YAP1: variants seen among roughly 807,000 people sequenced by gnomAD.
YAP1 encodes the protein transcriptional coactivator YAP1.
YAP1 carries 5 observed loss-of-function variants against 56.9 expected under a neutral mutation model. The observed-to-expected ratio is 0.09, with a 90% CI of 0.05 to 0.18. The LOEUF is 0.18. Ranked by LOEUF, YAP1 falls within the 10% of genes least tolerant of loss-of-function variation. The probability of loss-of-function intolerance (pLI) is 1.00; values close to 1 mark genes in which losing one functional copy is unlikely to be tolerated. For synonymous variants in YAP1, 265 were observed against 248.1 expected, an observed-to-expected ratio of 1.07 and a Z score of -0.64; for missense variants, 539 against 651.8, an observed-to-expected ratio of 0.83 and a Z score of 1.88.
chr11:102,153,187 G>C (rs564550509), intron 2 of YAP1, among the ~76,000 whole-genome samples: 1 of 152,214 alleles, frequency 6.6e-6, no homozygotes, highest in African/African-American at 2.4e-5. Flanking sequence ...ATTCCAGTTA[G>C]GCCTAGTCTT....
chr11:102,227,605 GTAACCTGACTTAA>G (rs779253944), intron 8 of YAP1, 24 bp downstream of exon 8: 1 of 1,513,134 alleles, frequency 6.6e-7, no homozygotes, highest in East Asian at 2.3e-5. Flanking sequence ...ATTCCTCTTA[GTAACCTGACTTAA>G]CAGTGGGATA....
At chr11:102,125,498 T>C (rs772857629) in intron 2 of YAP1, among the ~76,000 whole-genome samples, 6 of 151,636 alleles carry the variant, frequency 4.0e-5, no homozygotes, top group Non-Finnish European at 8.8e-5. Flanking sequence ...TGCTTCAGCC[T>C]CCAGAGTAGC....
chr11:102,228,717 T>A (rs1042766783), intron 8 of YAP1, among the ~76,000 whole-genome samples: 1 of 151,020 alleles, frequency 6.6e-6, no homozygotes, highest in African/African-American at 2.4e-5. Context: ...CAGGGGTAAT[T>A]ACGGAAGCAT....
At chr11:102,119,993 T>G (rs1048783964) in intron 2 of YAP1, among the ~76,000 whole-genome samples, 1 of 152,200 alleles carries the variant, frequency 6.6e-6, no homozygotes, top group Non-Finnish European at 1.5e-5. Flanking sequence ...CTGAGTAGCA[T>G]TGTATAAAGG....
chr11:102,154,287 A>G (rs1290192135), intron 2 of YAP1, among the ~76,000 whole-genome samples: 5 of 152,190 alleles, frequency 3.3e-5, no homozygotes, highest in Admixed American at 6.5e-5. Context: ...TTATATGATT[A>G]TACCACAACT....
chr11:102,154,492 A>T lies in YAP1; in HGVS notation c.573-7964A>T, dbSNP rs1334333800. Among the ~76,000 whole-genome samples, 5 of 152,158 alleles carry T rather than the reference A, an allele frequency of 3.3e-5. No individual in the cohort carries two copies. In the East Asian group the frequency reaches 9.6e-4, roughly 29 times the overall value. ...AAATTACACATGCATGTGTATATATATATGTGTGTATATACATACATACAG... is the reference window on the plus strand; with the variant it reads ...AAATTACACATGCATGTGTATATATTTATGTGTGTATATACATACATACAG... On this transcript the variant is annotated intron_variant, in intron 2 of 8. Coordinates refer to ENST00000282441, the MANE Select transcript of YAP1 (RefSeq NM_001130145.3).
At chr11:102,221,825 A>G (rs1170272117) in intron 6 of YAP1, among the ~76,000 whole-genome samples, 2 of 152,340 alleles carry the variant, frequency 1.3e-5, no homozygotes, top group South Asian at 4.1e-4. Flanking sequence ...AATATTTGCA[A>G]CAACTACAAT....
chr11:102,161,654 G>C (rs569920810), intron 2 of YAP1, among the ~76,000 whole-genome samples: 172 of 152,132 alleles, frequency 1.1e-3, no homozygotes, highest in African/African-American at 3.9e-3. Flanking sequence ...TTTTAAGGTA[G>C]TTTTATTTGT....
intron 2 of YAP1, among the ~76,000 whole-genome samples, chr11:102,122,327 A>G (rs962291591): frequency 2.6e-5 from 4 of 151,940 alleles, no homozygotes; most frequent in African/African-American, 9.7e-5. Flanking sequence ...TGGGAGGCTG[A>G]GGCATGAGAA....
At chr11:102,180,289 T>C (rs1468469584) in intron 3 of YAP1, among the ~76,000 whole-genome samples, 1 of 152,070 alleles carries the variant, frequency 6.6e-6, no homozygotes, top group Non-Finnish European at 1.5e-5. Flanking sequence ...TATTTCTAAT[T>C]AGTAGATCCT....
chr11:102,141,129 A>G (rs1440217349), intron 2 of YAP1, among the ~76,000 whole-genome samples: 1 of 152,118 alleles, frequency 6.6e-6, no homozygotes, highest in Non-Finnish European at 1.5e-5. Flanking sequence ...TCCTCTAGAG[A>G]GTCTACCTAG....
chr11:102,115,485 A>T (rs1943222290), intron 2 of YAP1, among the ~76,000 whole-genome samples: 1 of 152,148 alleles, frequency 6.6e-6, no homozygotes, highest in African/African-American at 2.4e-5. Flanking sequence ...TTGTAATGTA[A>T]GATAGAAAGT....
At chr11:102,200,401 T>C (rs1233254195) in intron 4 of YAP1, among the ~76,000 whole-genome samples, 2 of 152,142 alleles carry the variant, frequency 1.3e-5, no homozygotes, top group Middle Eastern at 3.4e-3. Context: ...GGAAATGTAA[T>C]TCAGATTTTT....
chr11:102,111,019 C>A lies in YAP1; in HGVS notation c.171C>A (p.Val57=). The A allele has an allele frequency of 6.2e-7, 1 of 1,606,370 alleles. No individual in the cohort carries two copies. Among genetic ancestry groups the A allele is most frequent in the Non-Finnish European group, 8.5e-7 (1 of 1,177,140 alleles). ...APPAGHQIVH[V]RGDSETDLEA... is the part of the protein sequence containing the mutation. ...CCGCCGGGCATCAGATCGTGCACGT[C>A]CGCGGGGACTCGGAGACCGACCTGG... is the stretch of plus-strand genomic sequence containing the variant. Residue 57 remains valine (V), a synonymous_variant, in exon 1 of 9, where the codon GTC becomes GTA. Transcript: ENST00000282441.
intron 3 of YAP1, among the ~76,000 whole-genome samples, chr11:102,182,303 G>T (rs575928452): frequency 1.3e-5 from 2 of 152,098 alleles, no homozygotes; most frequent in South Asian, 2.1e-4. Context: ...GAACATAAAG[G>T]CATCCTAAAT....
At chr11:102,164,074 GTCAC>G (rs1946453339) in intron 3 of YAP1, among the ~76,000 whole-genome samples, 2 of 147,154 alleles carry the variant, frequency 1.4e-5, no homozygotes, top group Admixed American at 1.4e-4. Context: ...GTCTCACTCT[GTCAC>G]CCAGGCTGGA....
chr11:102,122,781 C>T (rs1166662756), intron 2 of YAP1, among the ~76,000 whole-genome samples: 1 of 150,534 alleles, frequency 6.6e-6, no homozygotes, highest in Non-Finnish European at 1.5e-5. Context: ...TTAATCCCAG[C>T]TACTTGGGAG....
chr11:102,188,950 C>A (rs1046919248), intron 4 of YAP1, among the ~76,000 whole-genome samples: 7 of 151,778 alleles, frequency 4.6e-5, no homozygotes, highest in Non-Finnish European at 5.9e-5. Flanking sequence ...AAAGCTATTT[C>A]TTTAATATTT....
chr11:102,141,614 T>C (rs1945029512), intron 2 of YAP1, among the ~76,000 whole-genome samples: 1 of 152,232 alleles, frequency 6.6e-6, no homozygotes, highest in South Asian at 2.1e-4. Context: ...TGGATAAGAA[T>C]AGACAGAATA....
Sources: allele counts gnomAD v4.1 joint callset (sites outside exome capture counted in the v4.1 genomes callset), GRCh38; gene constraint gnomAD v4.1.1; transcripts MANE v1.5; gene names NCBI Gene and HGNC (gene_info 2026-07-23, HGNC 2026-07-21).